The following SEC14L1 variants were observed in gnomAD, a reference collection of about 807,000 sequenced individuals.
SEC14L1 encodes the protein SEC14 like lipid binding 1.
Under a neutral mutation model 85.3 loss-of-function variants are expected in SEC14L1, and 48 were observed. The ratio of observed to expected loss-of-function variants is 0.56; its 90% confidence interval spans 0.45 to 0.72. The LOEUF is 0.72. SEC14L1 is among the 30% of genes least tolerant of loss of function. The pLI, the probability that SEC14L1 is intolerant of heterozygous loss-of-function variation, is 0.00. For missense variants in SEC14L1, 682 were observed against 921.4 expected, an observed-to-expected ratio of 0.74 and a Z score of 3.36; for synonymous variants, 391 against 355.5, an observed-to-expected ratio of 1.10 and a Z score of -1.12.
intron 2 of SEC14L1, among the ~76,000 whole-genome samples, chr17:77,092,431 G>C (rs1486531288): frequency 6.6e-6 from 1 of 152,156 alleles, no homozygotes; most frequent in Non-Finnish European, 1.5e-5. Flanking sequence ...GTTTCCATCT[G>C]CTGAAATGTG....
In SEC14L1 at chr17:77,209,519, G is replaced by T. The variant is rs373682797; in HGVS notation, c.1611+43G>T. On this transcript the variant is annotated intron_variant, in intron 14 of 16. Coordinates refer to ENST00000436233, the MANE Select transcript of SEC14L1 (RefSeq NM_001143998.2). ...CTGCACCTGGGCCGGCCCTTCCTCCGCAGAGGGCCTGGCCCTCGCAGGGCT... is the reference window on the plus strand; with the variant it reads ...CTGCACCTGGGCCGGCCCTTCCTCCTCAGAGGGCCTGGCCCTCGCAGGGCT... 4 of 1,603,044 alleles carry T rather than the reference G, an allele frequency of 2.5e-6. No homozygotes were observed. The African/African-American group carries it at 4.0e-5, about 16-fold the overall frequency.
intron 3 of SEC14L1, among the ~76,000 whole-genome samples, chr17:77,103,150 T>C (rs952507748): frequency 6.6e-6 from 1 of 151,998 alleles, no homozygotes; most frequent in African/African-American, 2.4e-5. Flanking sequence ...TCTTCCTCTG[T>C]AGTCCGGTCT....
rs577624282 is a variant in SEC14L1 at position 77,147,575 on chromosome 17, C to T, written c.63+3916C>T. On this transcript the variant is annotated intron_variant, in intron 3 of 16. Transcript: ENST00000436233. ...CTTGGAGGGCGGGGAATCTGAGACT[C>T]CGAGGTGGTGAAACTTACACAGGTA... is the stretch of plus-strand genomic sequence containing the variant. 4.6e-5 allele frequency among the ~76,000 whole-genome samples: 7 copies of T among 152,248 alleles called. No individual in the cohort carries two copies. In the South Asian group the frequency reaches 8.3e-4, roughly 18 times the overall value.
Position 77,214,391 on chromosome 17 carries a change from T to C in SEC14L1, c.*368T>C. The C allele has an allele frequency of 9.9e-7, 1 of 1,007,738 alleles. No homozygotes were observed. The highest frequency in any genetic ancestry group is 1.2e-6 in the Non-Finnish European group (1 of 842,802). 62.4% of individuals were successfully genotyped at this position (1,007,738 alleles called of 1,614,324 possible). A position where few individuals can be genotyped will look rare whatever the true frequency, so the allele number is the denominator to read the frequency against. Reference sequence around the variant, plus strand: ...CATTGTCCATTAGTGAATGAATTCCTGTGACATCCTCCAGAGATGGCCCCT... The same window carrying C: ...CATTGTCCATTAGTGAATGAATTCCCGTGACATCCTCCAGAGATGGCCCCT... On this transcript the variant is annotated 3_prime_UTR_variant, in exon 17 of 17. Coordinates refer to ENST00000436233, the MANE Select transcript of SEC14L1 (RefSeq NM_001143998.2).
chr17:77,140,537 T>A (rs924228949), upstream of SEC14L1, among the ~76,000 whole-genome samples: 2 of 152,218 alleles, frequency 1.3e-5, no homozygotes, highest in African/African-American at 2.4e-5. Flanking sequence ...GCAGCAGCCA[T>A]ACGGGAGGGC....
In SEC14L1 at chr17:77,213,357, G is replaced by T; in HGVS notation, c.1907G>T (p.Trp636Leu). 1 of 1,613,314 alleles carries T rather than the reference G, an allele frequency of 6.2e-7. No homozygotes were observed. Among genetic ancestry groups the T allele is most frequent in the East Asian group, 2.2e-5 (1 of 44,882 alleles). ...TGGCCGGGCTTCTACATCCTGCAGT[G>T]GAAATTCCACAGCATGCCTGCGTGC... ...TRWPGFYILQ[W>L]KFHSMPACAA... The change falls in exon 16 of 17, where the codon TGG (tryptophan) becomes TTG (leucine). Residue 636 changes from tryptophan to leucine, a missense_variant. Physicochemically the swap from Trp to Leu is moderately conservative, Grantham distance 61. Around this residue, in one of 3 missense-constraint regions of SEC14L1, gnomAD observed 420 missense variants for 619.5 expected, o/e 0.68. Coordinates refer to ENST00000436233, the MANE Select transcript of SEC14L1 (RefSeq NM_001143998.2). The surrounding 1 kb of genome is among the most constrained non-coding windows in gnomAD (Gnocchi z 7.1).
At chr17:77,189,848 T>C (rs191834937) in intron 3 of SEC14L1, among the ~76,000 whole-genome samples, 92 of 152,292 alleles carry the variant, frequency 6.0e-4, no homozygotes, top group Middle Eastern at 3.4e-3. Flanking sequence ...CTGGATGGTC[T>C]CAATCTCCTG....
intron 2 of SEC14L1, among the ~76,000 whole-genome samples, chr17:77,090,453 G>A (rs1971486148): frequency 7.0e-6 from 1 of 142,704 alleles, no homozygotes; most frequent in South Asian, 2.3e-4. Flanking sequence ...TCAGGAGTTC[G>A]CGACCAGCCT....
In SEC14L1 at chr17:77,194,889, G is replaced by A; in HGVS notation, c.687G>A (p.Glu229=). The change falls in exon 7 of 17, where the codon GAG becomes GAA. Residue 229 remains glutamate (E), a synonymous_variant. Coordinates refer to ENST00000436233, the MANE Select transcript of SEC14L1 (RefSeq NM_001143998.2). The part of the protein sequence containing the change: ...GDALSSPSAP[E]PVVGTPDDKL... Reference sequence around the variant, plus strand: ...CCCTCAGCAGCCCCAGCGCACCTGAGCCCGTGGTGGGCACCCCTGACGGTG... The same window carrying A: ...CCCTCAGCAGCCCCAGCGCACCTGAACCCGTGGTGGGCACCCCTGACGGTG... 6.2e-7 allele frequency: 1 copy of A among 1,614,100 alleles called. No homozygotes were observed.
chr17:77,174,868 A>C (rs1331101917), intron 3 of SEC14L1, among the ~76,000 whole-genome samples: 1 of 152,246 alleles, frequency 6.6e-6, no homozygotes, highest in Non-Finnish European at 1.5e-5. Flanking sequence ...CACTGAACAA[A>C]GGAGGGAAGG....
intron 3 of SEC14L1, among the ~76,000 whole-genome samples, chr17:77,147,938 A>G (rs899102973): frequency 6.6e-6 from 1 of 152,164 alleles, no homozygotes; most frequent in Admixed American, 6.5e-5. Flanking sequence ...GAAATTAATC[A>G]GTGAAGGACA....
intron 6 of SEC14L1, among the ~76,000 whole-genome samples, chr17:77,194,423 C>CAT (rs1975696467): frequency 6.6e-6 from 1 of 151,924 alleles, no homozygotes; most frequent in Admixed American, 6.6e-5. Flanking sequence ...GATGAGGTGG[C>CAT]ATATACCTGT....
At position 77,172,547 on chromosome 17, in the gene SEC14L1, C is replaced by T. The variant is rs531305352; in HGVS notation, c.64-18256C>T. ...TTTTTGTTTTTGCTTTTCTTTTCCT[C>T]GTCTTTTCGTACATATACCTTTTGA... On this transcript the variant is annotated intron_variant, in intron 3 of 16. Transcript: ENST00000436233. 7.2e-5 allele frequency among the ~76,000 whole-genome samples: 11 copies of T among 152,216 alleles called. No homozygotes were observed. In the East Asian group the frequency reaches 7.7e-4, roughly 11 times the overall value.
At chr17:77,195,035 C>A (rs767027617) in intron 7 of SEC14L1, 124 bp downstream of exon 7, 17 of 681,454 alleles carry the variant, frequency 2.5e-5, no homozygotes, top group Non-Finnish European at 4.3e-5. Flanking sequence ...AAGGAAAGAC[C>A]CGTCTCTCGT....
rs368432616 is a variant in SEC14L1, at chr17:77,206,725, C to T, written c.1342-3C>T. The T allele has an allele frequency of 2.2e-5, 35 of 1,597,302 alleles. No homozygotes were observed. Among genetic ancestry groups the T allele is most frequent in the Non-Finnish European group, 2.7e-5 (32 of 1,174,240 alleles). On this transcript the variant is annotated splice_region_variant and splice_polypyrimidine_tract_variant and intron_variant, in intron 12 of 16. Coordinates refer to ENST00000436233, the MANE Select transcript of SEC14L1 (RefSeq NM_001143998.2). The surrounding 1 kb of genome is among the most constrained non-coding windows in gnomAD (Gnocchi z 4.3). Reference sequence around the variant, plus strand: ...TGACTGCATGGTCTTCTCCTCCTCACAGGTTAGTCCGTTCATTGATGACAA... The same window carrying T: ...TGACTGCATGGTCTTCTCCTCCTCATAGGTTAGTCCGTTCATTGATGACAA...
In SEC14L1 at chr17:77,215,597, A is replaced by G; in HGVS notation, c.*1574A>G. The G allele has an allele frequency of 2.0e-6, 2 of 988,072 alleles. No homozygotes were observed. The highest frequency in any genetic ancestry group is 2.4e-6 in the Non-Finnish European group (2 of 831,072). The allele number at this position is 988,072 out of a possible 1,614,324, so 61.2% of individuals were successfully genotyped here. A position where few individuals can be genotyped will look rare whatever the true frequency, so the allele number is the denominator to read the frequency against. Reference sequence around the variant, plus strand: ...CGGGTCAGCCCTAGTGGCTGCCTGCACACTGTAGACGTCCCAGGGCCTGTG... The same window carrying G: ...CGGGTCAGCCCTAGTGGCTGCCTGCGCACTGTAGACGTCCCAGGGCCTGTG... On this transcript the variant is annotated 3_prime_UTR_variant, in exon 17 of 17. Transcript: ENST00000436233.
chr17:77,154,439 A>AG (rs946099732), intron 3 of SEC14L1, among the ~76,000 whole-genome samples: 9 of 152,226 alleles, frequency 5.9e-5, no homozygotes, highest in African/African-American at 2.2e-4. Context: ...GTGTGAACAG[A>AG]GCGAGGCCCT....
intron 3 of SEC14L1, among the ~76,000 whole-genome samples, chr17:77,123,561 A>G (rs1972359703): frequency 2.0e-5 from 3 of 150,960 alleles, no homozygotes; most frequent in Non-Finnish European, 4.4e-5. Flanking sequence ...ACAGGCACAC[A>G]TCACCAAATC....
Position 77,215,399 on chromosome 17 carries a change from G to A in SEC14L1, c.*1376G>A, listed in dbSNP as rs1176334101. On this transcript the variant is annotated 3_prime_UTR_variant, in exon 17 of 17. Coordinates refer to ENST00000436233, the MANE Select transcript of SEC14L1 (RefSeq NM_001143998.2). ...CCGTGTTTTTCATGCCAAACCCCACGCGGCTGTCAACTGTGTGCGTGGTAG... is the reference window on the plus strand; with the variant it reads ...CCGTGTTTTTCATGCCAAACCCCACACGGCTGTCAACTGTGTGCGTGGTAG... 7 of 985,312 alleles carry A rather than the reference G, an allele frequency of 7.1e-6. No homozygotes were observed. Among genetic ancestry groups the A allele is most frequent in the Admixed American group, 1.2e-4 (2 of 16,268 alleles). 61.0% of individuals were successfully genotyped at this position (985,312 alleles called of 1,614,324 possible).
Sources: gnomAD v4.1 joint callset for allele counts (sites outside exome capture counted in the v4.1 genomes callset) on GRCh38, gnomAD v4.1.1 for gene constraint, gnomAD v4.1.1 regional missense constraint, Gnocchi (gnomAD v3.1) non-coding constraint, MANE v1.5 for transcripts, NCBI Gene and HGNC (gene_info 2026-07-23, HGNC 2026-07-21) for gene names.